The following XPO6 variants were observed in gnomAD, a reference collection of about 807,000 sequenced individuals.
XPO6 encodes exportin 6.
XPO6 carries 3 observed loss-of-function variants against 130.0 expected under a neutral mutation model. That is an observed-to-expected ratio of 0.02 (90% confidence interval 0.01 to 0.06). The LOEUF is 0.06. Among genes scored for constraint, XPO6 ranks in the 10% least tolerant of loss-of-function variants. The pLI, the probability that XPO6 is intolerant of heterozygous loss-of-function variation, is 1.00. For synonymous variants in XPO6, 524 were observed against 548.9 expected (o/e 0.95, Z 0.63); for missense variants, 970 against 1,393.0 (o/e 0.70, Z 4.83).
rs574005589 is a variant in XPO6, at chr16:28,200,331, G to C, written c.3+11035C>G. Among the ~76,000 whole-genome samples, 14 of 152,216 alleles carry C rather than the reference G, an allele frequency of 9.2e-5. No individual in the cohort carries two copies. The South Asian group carries it at 2.9e-3, about 32-fold the overall frequency. The stretch of plus-strand genomic sequence containing the variant: ...TAACCTTCATATAAAACAGCAGCAG[G>C]CTCCTCTAATGGAAATGAACCTATT... On this transcript the variant is annotated intron_variant, in intron 1 of 23. Transcript: ENST00000304658.
chr16:28,168,005 TTAGA>T (rs974332146), intron 5 of XPO6, among the ~76,000 whole-genome samples: 45 of 152,122 alleles, frequency 3.0e-4, no homozygotes, highest in African/African-American at 1.1e-3. Context: ...TGTTCTGGAA[TTAGA>T]TAGCGGTGAA....
In XPO6 at chr16:28,132,993, C is replaced by T. The variant is rs556032621; in HGVS notation, c.1537-590G>A. 2.6e-5 allele frequency among the ~76,000 whole-genome samples: 4 copies of T among 152,294 alleles called. No individual in the cohort carries two copies. The highest frequency in any genetic ancestry group is 4.4e-5 in the Non-Finnish European group (3 of 68,032). ...CCTAAGAAAGGCAGATGGCAAAGTA[C>T]GAAGCTTTCCAGGAGAGAACACAAG... On this transcript the variant is annotated intron_variant, in intron 11 of 23. Coordinates refer to ENST00000304658, the MANE Select transcript of XPO6 (RefSeq NM_015171.4). This position sits in a 1 kb window ranked among gnomAD's most constrained non-coding sequence, Gnocchi z 4.0.
At chr16:28,153,098 G>C in intron 7 of XPO6, 2 of 1,049,060 alleles carry the variant, frequency 1.9e-6, no homozygotes, top group Non-Finnish European at 2.3e-6. Context: ...ATAAAAAGTT[G>C]ATGGGCAGAT....
At chr16:28,209,974 A>C (rs1369067861) in intron 1 of XPO6, among the ~76,000 whole-genome samples, 1 of 151,706 alleles carries the variant, frequency 6.6e-6, no homozygotes, top group African/African-American at 2.4e-5. Context: ...TCATCTCCAC[A>C]AAAAATTAGC....
At chr16:28,143,586 C>T (rs944256459) in intron 9 of XPO6, among the ~76,000 whole-genome samples, 1 of 152,182 alleles carries the variant, frequency 6.6e-6, no homozygotes, top group African/African-American at 2.4e-5. Flanking sequence ...TACTAATAAT[C>T]TGCTAGTATA....
Position 28,177,265 on chromosome 16 carries a change from G to A in XPO6, c.162C>T (p.Ser54=). The change falls in exon 3 of 24, where the codon AGC becomes AGT. Residue 54 remains serine (S), a synonymous_variant. Coordinates refer to ENST00000304658, the MANE Select transcript of XPO6 (RefSeq NM_015171.4). Reference sequence around the variant, plus strand: ...ACATCATTACATAGTCATTCCTAGTGCTGGAGAGAAAGTACAGGCAGAATC... The same window carrying A: ...ACATCATTACATAGTCATTCCTAGTACTGGAGAGAAAGTACAGGCAGAATC... ...AWRFCLYFLS[S]TRNDYVMMYS... 1 of 1,612,776 alleles carries A rather than the reference G, an allele frequency of 6.2e-7. No individual in the cohort carries two copies. Among genetic ancestry groups the A allele is most frequent in the South Asian group, 1.1e-5 (1 of 90,892 alleles).
At chr16:28,164,126 TG>T (rs1337742253) in intron 6 of XPO6, among the ~76,000 whole-genome samples, 1 of 152,112 alleles carries the variant, frequency 6.6e-6, no homozygotes. Context: ...AGAAAGTATA[TG>T]GGGAAAAAAA....
chr16:28,117,833 C>T (rs1402942501), intron 14 of XPO6, among the ~76,000 whole-genome samples: 1 of 152,174 alleles, frequency 6.6e-6, no homozygotes, highest in Non-Finnish European at 1.5e-5. Context: ...CAGACTAAAG[C>T]GTAGACAACT....
At chr16:28,169,015 A>T (rs1180453512) in intron 5 of XPO6, among the ~76,000 whole-genome samples, 3 of 152,216 alleles carry the variant, frequency 2.0e-5, no homozygotes, top group African/African-American at 7.2e-5. Flanking sequence ...GACATCCAAG[A>T]AGAAGCCTGG....
At position 28,180,963 on chromosome 16, in the gene XPO6, G is replaced by C. The variant is rs2043605656; in HGVS notation, c.72C>G (p.Thr24=). Residue 24 remains threonine, a synonymous_variant, in exon 2 of 24, where the codon ACC becomes ACG. Coordinates refer to ENST00000304658, the MANE Select transcript of XPO6 (RefSeq NM_015171.4). The part of the protein sequence containing the change: ...LMTEFFHDCT[T]NERKREIEEL... ...TACCTATCTCACGTTTTCTTTCATTGGTTGTACAATCGTGAAAAAATTCTG... is the reference window on the plus strand; with the variant it reads ...TACCTATCTCACGTTTTCTTTCATTCGTTGTACAATCGTGAAAAAATTCTG... The C allele has an allele frequency of 6.2e-7, 1 of 1,612,886 alleles. No individual in the cohort carries two copies. The highest frequency in any genetic ancestry group is 1.3e-5 in the African/African-American group (1 of 74,788).
chr16:28,109,119 A>G (rs2086853833), intron 17 of XPO6, among the ~76,000 whole-genome samples: 1 of 152,182 alleles, frequency 6.6e-6, no homozygotes, highest in Non-Finnish European at 1.5e-5. Context: ...AACAGTCAAG[A>G]GACCAAAATC....
In XPO6 at chr16:28,146,150, G is replaced by C; in HGVS notation, c.1278C>G (p.Asp426Glu). Residue 426 changes from aspartate (D) to glutamate (E), a missense_variant, in exon 9 of 24, where the codon GAC becomes GAG. Coordinates refer to ENST00000304658, the MANE Select transcript of XPO6 (RefSeq NM_015171.4). ...SCLDIWTLFLDYLTSKIKSRL... is the reference protein window; with the variant it reads ...SCLDIWTLFLEYLTSKIKSRL... ...GACTTTTAATTTTACTTGTCAGATA[G>C]TCCAAAAACAGCGTCCAGATATCCA... 6.2e-7 allele frequency: 1 copy of C among 1,614,108 alleles called. No individual in the cohort carries two copies.
chr16:28,121,849 G>C (rs746990503), intron 13 of XPO6, 87 bp from the exon 14 acceptor site: 2 of 842,824 alleles, frequency 2.4e-6, no homozygotes, highest in African/African-American at 1.7e-5. Context: ...AGCAAAGAGC[G>C]TAAGGGCAGA....
intron 11 of XPO6, among the ~76,000 whole-genome samples, chr16:28,133,334 G>A (rs142127912): frequency 2.2e-5 from 3 of 138,156 alleles, no homozygotes; most frequent in Non-Finnish European, 3.2e-5. Context: ...GTGAGACTCC[G>A]TCTCAAAAAA....
chr16:28,187,787 C>A (rs940367217), intron 1 of XPO6, among the ~76,000 whole-genome samples: 10 of 151,274 alleles, frequency 6.6e-5, no homozygotes, highest in African/African-American at 2.4e-4. Context: ...CTGTTGGTAT[C>A]ACTTTCAGTT....
At chr16:28,196,686 A>C (rs1362054791) in intron 1 of XPO6, among the ~76,000 whole-genome samples, 1 of 152,214 alleles carries the variant, frequency 6.6e-6, no homozygotes, top group Non-Finnish European at 1.5e-5. Flanking sequence ...TCTGATAAAA[A>C]GATTAATGCC....
chr16:28,104,617 G>C lies in XPO6; in HGVS notation c.2875C>G (p.Leu959Val), dbSNP rs1681276748. ...NWRYFFKSTV[L>V]ASVQRGIAEE... ...GCGATCCCCCTCTGGACACTGGCCA[G>C]CACGGTGGACTTGAAGAAGTACCTC... is the stretch of plus-strand genomic sequence containing the variant. Residue 959 changes from leucine (L) to valine (V), a missense_variant, in exon 21 of 24, where the codon CTG becomes GTG. Leu to Val is a conservative substitution (Grantham distance 32). Transcript: ENST00000304658. The C allele has an allele frequency of 6.2e-7, 1 of 1,614,226 alleles. No individual in the cohort carries two copies. Among genetic ancestry groups the C allele is most frequent in the Non-Finnish European group, 8.5e-7 (1 of 1,180,044 alleles).
chr16:28,202,398 G>C (rs570293392), intron 1 of XPO6, among the ~76,000 whole-genome samples: 37 of 152,252 alleles, frequency 2.4e-4, no homozygotes, highest in African/African-American at 8.9e-4. Flanking sequence ...CAGCAGTACG[G>C]AAGATGGACA....
intron 17 of XPO6, among the ~76,000 whole-genome samples, chr16:28,109,268 AC>A (rs1314318411): frequency 6.6e-6 from 1 of 152,198 alleles, no homozygotes; most frequent in African/African-American, 2.4e-5. Flanking sequence ...ATGAGACAGG[AC>A]ATTATAAAAC....
Sources: allele counts gnomAD v4.1 joint callset (sites outside exome capture counted in the v4.1 genomes callset), GRCh38; gene constraint gnomAD v4.1.1; non-coding constraint Gnocchi (gnomAD v3.1); transcripts MANE v1.5; gene names NCBI Gene and HGNC (gene_info 2026-07-23, HGNC 2026-07-21).